The following AFG2A variants were observed in gnomAD, a reference collection of about 807,000 sequenced individuals.
The protein encoded by AFG2A is ATPase family gene 2 protein homolog A.
chr4:123,086,936 G>T, the AFG2A span, among the ~76,000 whole-genome samples: 2 of 151,966 alleles, frequency 1.3e-5, no homozygotes, highest in Non-Finnish European at 2.9e-5. Context: ...CCATCACTCT[G>T]CTTACATTAC....
At chr4:123,041,085 CTCT>C in the AFG2A span, among the ~76,000 whole-genome samples, 1 of 150,996 alleles carries the variant, frequency 6.6e-6, no homozygotes, top group African/African-American at 2.4e-5. Context: ...TTAATTATTA[CTCT>C]TCTTTTTTAT....
the AFG2A span, among the ~76,000 whole-genome samples, chr4:123,164,427 G>A: frequency 2.6e-5 from 4 of 152,186 alleles, no homozygotes; most frequent in African/African-American, 4.8e-5. Flanking sequence ...GCAGTGACAC[G>A]ATCTCGGCTC....
At chr4:122,931,048 T>C in the AFG2A span, among the ~76,000 whole-genome samples, 1 of 151,962 alleles carries the variant, frequency 6.6e-6, no homozygotes, top group Non-Finnish European at 1.5e-5. Context: ...TGTAAGATTT[T>C]ATTATTAATA....
the AFG2A span, among the ~76,000 whole-genome samples, chr4:123,292,479 C>A: frequency 7.9e-5 from 12 of 152,100 alleles, no homozygotes; most frequent in Non-Finnish European, 1.8e-4. Flanking sequence ...GGTTCCTTAT[C>A]ATTTGGGTAG....
At chr4:123,302,823 A>G in the AFG2A span, among the ~76,000 whole-genome samples, 1 of 152,236 alleles carries the variant, frequency 6.6e-6, no homozygotes, top group South Asian at 2.1e-4. Flanking sequence ...GGAGGTAGTG[A>G]GGTCACCTCT....
the AFG2A span, among the ~76,000 whole-genome samples, chr4:123,086,786 G>A: frequency 6.6e-6 from 1 of 151,882 alleles, no homozygotes; most frequent in Non-Finnish European, 1.5e-5. Flanking sequence ...ATACATATCC[G>A]TAAGTGCAGA....
chr4:123,166,285 C>T, the AFG2A span, among the ~76,000 whole-genome samples: 3 of 152,106 alleles, frequency 2.0e-5, no homozygotes, highest in Non-Finnish European at 4.4e-5. Context: ...GGAAGAAAAA[C>T]GTGAAAAGGT....
chr4:122,990,453 C>T, the AFG2A span, among the ~76,000 whole-genome samples: 1 of 152,156 alleles, frequency 6.6e-6, no homozygotes, highest in East Asian at 1.9e-4. Context: ...TTTCAGTATC[C>T]ATAGTTCTCT....
the AFG2A span, chr4:123,316,492 C>G: frequency 6.6e-6 from 1 of 152,100 alleles, no homozygotes; most frequent in South Asian, 2.1e-4. Context: ...CTCTGTGTTC[C>G]CTTTAGTTGT....
the AFG2A span, among the ~76,000 whole-genome samples, chr4:123,116,615 A>G: frequency 6.6e-6 from 1 of 152,170 alleles, no homozygotes; most frequent in African/African-American, 2.4e-5. Flanking sequence ...TCTTGATGGG[A>G]GTTTTTCCAA....
chr4:123,273,967 G>A, the AFG2A span, among the ~76,000 whole-genome samples: 2 of 152,062 alleles, frequency 1.3e-5, no homozygotes, highest in African/African-American at 2.4e-5. Context: ...GTTAGCTAAG[G>A]ACCTGTCTAT....
At chr4:123,225,832 C>A in the AFG2A span, among the ~76,000 whole-genome samples, 5 of 152,254 alleles carry the variant, frequency 3.3e-5, no homozygotes, top group Non-Finnish European at 7.4e-5. Flanking sequence ...ATTGATTCTT[C>A]CTACCCATGA....
chr4:123,140,951 G>A, the AFG2A span, among the ~76,000 whole-genome samples: 11 of 152,072 alleles, frequency 7.2e-5, no homozygotes, highest in African/African-American at 2.4e-4. Context: ...CATCTAGATT[G>A]CATAACTAAT....
chr4:123,020,439 G>T, the AFG2A span, among the ~76,000 whole-genome samples: 1 of 151,550 alleles, frequency 6.6e-6, no homozygotes, highest in African/African-American at 2.4e-5. Flanking sequence ...CGCGATCTCG[G>T]CTCAGTGTAA....
chr4:123,304,034 A>C, the AFG2A span, among the ~76,000 whole-genome samples: 1 of 151,834 alleles, frequency 6.6e-6, no homozygotes, highest in Non-Finnish European at 1.5e-5. Context: ...ATACTACTCT[A>C]CTCACCGCTT....
the AFG2A span, among the ~76,000 whole-genome samples, chr4:123,280,053 T>C: frequency 6.6e-6 from 1 of 152,148 alleles, no homozygotes; most frequent in African/African-American, 2.4e-5. Flanking sequence ...TAAGTAATAT[T>C]TTCTTATGAG....
At chr4:123,239,599 A>G in the AFG2A span, among the ~76,000 whole-genome samples, 1 of 152,222 alleles carries the variant, frequency 6.6e-6, no homozygotes, top group Admixed American at 6.5e-5. Context: ...AGTGAAGGAT[A>G]AATAAAATCC....
chr4:123,277,513 C>T, the AFG2A span, among the ~76,000 whole-genome samples: 4 of 152,172 alleles, frequency 2.6e-5, no homozygotes, highest in East Asian at 1.9e-4. Flanking sequence ...CAGTACTATG[C>T]TGAGTGGGAG....
chr4:123,227,265 T>G, the AFG2A span, among the ~76,000 whole-genome samples: 2 of 152,210 alleles, frequency 1.3e-5, no homozygotes, highest in Non-Finnish European at 2.9e-5. Flanking sequence ...TTTGAATGTG[T>G]TTGCTCTTTC....
Sources: allele counts gnomAD v4.1 joint callset (sites outside exome capture counted in the v4.1 genomes callset), GRCh38; gene constraint gnomAD v4.1.1; transcripts MANE v1.5; gene names NCBI Gene and HGNC (gene_info 2026-07-23, HGNC 2026-07-21).